Variants in SIRPB1 observed in about 807,000 individuals in gnomAD.
SIRPB1 encodes the protein signal-regulatory protein beta-1.
SIRPB1 carries 28 observed loss-of-function variants against 34.1 expected under a neutral mutation model. That is an observed-to-expected ratio of 0.82 (90% CI 0.61 to 1.12). The LOEUF (loss-of-function observed/expected upper bound fraction) is 1.12, where lower values mean the gene tolerates loss of function less well. SIRPB1 is among the 50% of genes most tolerant of loss of function. The pLI is 0.00. For synonymous variants in SIRPB1, 211 were observed against 203.8 expected (o/e 1.04, Z -0.30); for missense variants, 499 against 507.0 (o/e 0.98, Z 0.15).
intron 5 of SIRPB1, 75 bp downstream of exon 5, chr20:1,566,078 A>C: frequency 1.1e-6 from 1 of 872,278 alleles, no homozygotes; most frequent in South Asian, 1.5e-5. Context: ...GCTGCATGGC[A>C]TGTGAGCTGG....
chr20:1,617,701 G>T (rs935742327), intron 1 of SIRPB1, among the ~76,000 whole-genome samples: 1 of 152,120 alleles, frequency 6.6e-6, no homozygotes, highest in African/African-American at 2.4e-5. Context: ...CCACAGAAAT[G>T]ATACATATAC....
Position 1,619,865 on chromosome 20 carries a change from TC to T in SIRPB1, c.76+3del. On this transcript the variant is annotated splice_donor_region_variant and intron_variant, in intron 1 of 5. Transcript: ENST00000381605. ...AAAAGATTTTAACCGAAGGCAGTGC[TC>T]ACCTGTGAGTCTCCCCAGCAGTAGC... The T allele has an allele frequency of 2.5e-6, 4 of 1,608,174 alleles. No homozygotes were observed. The highest frequency in any genetic ancestry group is 3.4e-6 in the Non-Finnish European group (4 of 1,175,136).
rs2091342945 is a variant in SIRPB1 at position 1,578,081 on chromosome 20, T to C, written c.433+257A>G. Reference sequence around the variant, plus strand: ...TGTGGAACCAAAGGGCTGGGTCAGCTTTGGAAACACAAGAGCTGTAGAGCC... The same window carrying C: ...TGTGGAACCAAAGGGCTGGGTCAGCCTTGGAAACACAAGAGCTGTAGAGCC... On this transcript the variant is annotated intron_variant, in intron 2 of 5. Coordinates refer to ENST00000381605, the MANE Select transcript of SIRPB1 (RefSeq NM_006065.5). The C allele has an allele frequency of 7.8e-6, 4 of 515,644 alleles. 1 individual carries two copies. The highest frequency in any genetic ancestry group is 1.1e-5 in the Non-Finnish European group (3 of 284,120). The allele number at this position is 515,644 out of a possible 1,614,324, so 31.9% of individuals were successfully genotyped here.
intron 1 of SIRPB1, among the ~76,000 whole-genome samples, chr20:1,613,854 T>A (rs2091592486): frequency 6.6e-6 from 1 of 152,134 alleles, no homozygotes; most frequent in Non-Finnish European, 1.5e-5. Context: ...CTTCACAGAC[T>A]AGATAAAATA....
At chr20:1,577,477 G>A (rs1050727741) in intron 2 of SIRPB1, among the ~76,000 whole-genome samples, 5 of 147,556 alleles carry the variant, frequency 3.4e-5, no homozygotes, top group African/African-American at 1.2e-4. Flanking sequence ...CGAGGCTTTT[G>A]GGGCTCTGGC....
At chr20:1,616,486 A>T (rs769844066) in intron 1 of SIRPB1, among the ~76,000 whole-genome samples, 5 of 152,220 alleles carry the variant, frequency 3.3e-5, no homozygotes, top group Non-Finnish European at 7.3e-5. Flanking sequence ...AAAAAGTGGC[A>T]TTGGGAAACC....
Position 1,599,312 on chromosome 20 carries a change from G to A in SIRPB1, c.76+20557C>T, listed in dbSNP as rs952031229. 6.2e-5 allele frequency among the ~76,000 whole-genome samples: 3 copies of A among 48,626 alleles called. 1 individual carries two copies. Among genetic ancestry groups the A allele is most frequent in the African/African-American group, 2.7e-4 (2 of 7,338 alleles). 31.9% of individuals were successfully genotyped at this position (48,626 alleles called of 152,430 possible). A position where few individuals can be genotyped will look rare whatever the true frequency, so the allele number is the denominator to read the frequency against. On this transcript the variant is annotated intron_variant, in intron 1 of 5. Transcript: ENST00000381605. ...TTTAGGGAGGGTCACAAGGTTGCTC[G>A]CATCCAAACTTAGGGAAGCCCATCA... is the stretch of plus-strand genomic sequence containing the variant.
chr20:1,608,253 C>T (rs1173793120), intron 1 of SIRPB1, among the ~76,000 whole-genome samples: 31 of 95,662 alleles, frequency 3.2e-4, no homozygotes, highest in Middle Eastern at 5.3e-3. Context: ...CACTGTCTCC[C>T]GATTCTCCAT....
chr20:1,562,054 T>C lies in SIRPB1; in HGVS notation c.*3446A>G, dbSNP rs1016194714. 6.6e-6 allele frequency among the ~76,000 whole-genome samples: 1 copy of C among 152,232 alleles called. No individual in the cohort carries two copies. Among genetic ancestry groups the C allele is most frequent in the Admixed American group, 6.5e-5 (1 of 15,286 alleles). On this transcript the variant is annotated 3_prime_UTR_variant, in exon 6 of 6. Coordinates refer to ENST00000381605, the MANE Select transcript of SIRPB1 (RefSeq NM_006065.5). Reference sequence around the variant, plus strand: ...GGACTATAACTCATTACTACTTTACTTATTTTTTTGCTGAAAGTGTTCCAG... The same window carrying C: ...GGACTATAACTCATTACTACTTTACCTATTTTTTTGCTGAAAGTGTTCCAG...
At chr20:1,618,528 A>T (rs940945467) in intron 1 of SIRPB1, among the ~76,000 whole-genome samples, 4 of 152,248 alleles carry the variant, frequency 2.6e-5, no homozygotes, top group African/African-American at 7.2e-5. Flanking sequence ...AACTGTGTCT[A>T]CATGGTAGGA....
In SIRPB1 at chr20:1,609,160, G is replaced by A. The variant is rs2091541208; in HGVS notation, c.76+10709C>T. Among the ~76,000 whole-genome samples, 2 of 69,594 alleles carry A rather than the reference G, an allele frequency of 2.9e-5. 1 individual carries two copies. Among genetic ancestry groups the A allele is most frequent in the Non-Finnish European group, 5.3e-5 (2 of 37,642 alleles). 45.7% of individuals were successfully genotyped at this position (69,594 alleles called of 152,430 possible). On this transcript the variant is annotated intron_variant, in intron 1 of 5. Coordinates refer to ENST00000381605, the MANE Select transcript of SIRPB1 (RefSeq NM_006065.5). ...GTGAGTACTTCACTAGGAGTGAGCAGATCTGAGTCACACCTGAGCCACCAC... is the reference window on the plus strand; with the variant it reads ...GTGAGTACTTCACTAGGAGTGAGCAAATCTGAGTCACACCTGAGCCACCAC...
chr20:1,562,533 C>T lies in SIRPB1; in HGVS notation c.*2967G>A, dbSNP rs1334848436. 4.0e-5 allele frequency among the ~76,000 whole-genome samples: 6 copies of T among 151,506 alleles called. No individual in the cohort carries two copies. In the South Asian group the frequency reaches 8.3e-4, roughly 21 times the overall value. Reference sequence around the variant, plus strand: ...CTTTGGTGATGACATGCATGCATTTCTCTTACCATAGTTTAGTTAAGTAAC... The same window carrying T: ...CTTTGGTGATGACATGCATGCATTTTTCTTACCATAGTTTAGTTAAGTAAC... On this transcript the variant is annotated 3_prime_UTR_variant, in exon 6 of 6. Transcript: ENST00000381605.
chr20:1,609,592 T>C (rs2091544570), intron 1 of SIRPB1, among the ~76,000 whole-genome samples: 1 of 71,798 alleles, frequency 1.4e-5, no homozygotes, highest in South Asian at 6.0e-4. Flanking sequence ...TTATGTATTG[T>C]GTCCACCCCG....
chr20:1,571,668 A>T, intron 3 of SIRPB1, 52 bp downstream of exon 3: 1 of 1,612,794 alleles, frequency 6.2e-7, no homozygotes. Flanking sequence ...GGGAGAGGGG[A>T]GTGGGCTTGG....
chr20:1,571,900 A>G lies in SIRPB1; in HGVS notation c.571T>C (p.Ser191Pro). 1 of 1,614,226 alleles carries G rather than the reference A, an allele frequency of 6.2e-7. No homozygotes were observed. Among genetic ancestry groups the G allele is most frequent in the Non-Finnish European group, 8.5e-7 (1 of 1,180,032 alleles). The part of the protein sequence containing the change: ...LKWFKNGNEL[S>P]DFQTNVDPAG... ...GGGTCCACGTTGGTCTGGAAGTCTG[A>G]GAGCTCATTCCCATTTTTGAACCAT... The change falls in exon 3 of 6, where the codon TCA (serine) becomes CCA (proline). Residue 191 changes from serine (S) to proline (P), a missense_variant. Transcript: ENST00000381605.
Position 1,578,341 on chromosome 20 carries a change from G to A in SIRPB1, c.430C>T (p.Arg144Cys), listed in dbSNP as rs368470461. Residue 144 changes from arginine to cysteine, a missense_variant, in exon 2 of 6, where the codon CGC becomes TGC. Physicochemically the swap from Arg to Cys is radical, Grantham distance 180. Coordinates refer to ENST00000381605, the MANE Select transcript of SIRPB1 (RefSeq NM_006065.5). Reference protein sequence around the residue: ...KSGAGTELSVRAKPSAPVVSG... With the variant: ...KSGAGTELSVCAKPSAPVVSG... ...AGGAGGCCCACGCTGTACTCACCGC[G>A]CACAGACAGCTCAGTGCCTGCTCCA... The A allele has an allele frequency of 1.5e-4, 238 of 1,584,038 alleles. 15 individuals are homozygous for A. The highest frequency in any genetic ancestry group is 1.7e-4 in the Non-Finnish European group (199 of 1,157,750).
chr20:1,579,674 T>A (rs2091374875), intron 1 of SIRPB1, among the ~76,000 whole-genome samples: 1 of 148,656 alleles, frequency 6.7e-6, no homozygotes, highest in Non-Finnish European at 1.5e-5. Context: ...TACCTAAGTT[T>A]CCTAATGCTG....
intron 4 of SIRPB1, among the ~76,000 whole-genome samples, chr20:1,568,033 G>A (rs1344152952): frequency 1.3e-5 from 2 of 152,228 alleles, no homozygotes; most frequent in East Asian, 3.8e-4. Flanking sequence ...TGATGGGGAA[G>A]TTGTGGGACC....
Position 1,565,442 on chromosome 20 carries a change from T to A in SIRPB1, c.*58A>T, listed in dbSNP as rs1225777287. 1 of 169,418 alleles carries A rather than the reference T, an allele frequency of 5.9e-6. No homozygotes were observed. Among genetic ancestry groups the A allele is most frequent in the Non-Finnish European group, 1.2e-5 (1 of 80,696 alleles). 10.5% of individuals were successfully genotyped at this position (169,418 alleles called of 1,614,324 possible). A position where few individuals can be genotyped will look rare whatever the true frequency, so the allele number is the denominator to read the frequency against. ...GAGTGTGGGGAAGGTTCTCGCCAGC[T>A]CCTTCTCTCAGGCTGAGCTTCTCAA... On this transcript the variant is annotated 3_prime_UTR_variant, in exon 6 of 6. Coordinates refer to ENST00000381605, the MANE Select transcript of SIRPB1 (RefSeq NM_006065.5).
Sources: gnomAD v4.1 joint callset for allele counts (sites outside exome capture counted in the v4.1 genomes callset) on GRCh38, gnomAD v4.1.1 for gene constraint, MANE v1.5 for transcripts, NCBI Gene and HGNC (gene_info 2026-07-23, HGNC 2026-07-21) for gene names.